The following DMRT1 variants were observed in gnomAD, a reference collection of about 807,000 sequenced individuals.
DMRT1 encodes the protein doublesex- and mab-3-related transcription factor 1.
A neutral mutation model predicts 32.3 loss-of-function variants in DMRT1; 7 were observed. The observed-to-expected ratio is 0.22, with a 90% CI of 0.12 to 0.41. DMRT1 has a LOEUF of 0.41. DMRT1 is among the 10% of genes least tolerant of loss of function. The pLI is 1.00. For missense variants in DMRT1, 625 were observed against 500.5 expected (o/e 1.25, Z -2.37); for synonymous variants, 278 against 206.1 (o/e 1.35, Z -2.99).
intron 4 of DMRT1, among the ~76,000 whole-genome samples, chr9:933,794 G>T (rs1812598737): frequency 1.3e-5 from 2 of 152,142 alleles, no homozygotes; most frequent in Non-Finnish European, 2.9e-5. Context: ...GTTGTATTCG[G>T]CAACTTTTTG....
At chr9:910,376 T>C (rs1226122161) in intron 3 of DMRT1, among the ~76,000 whole-genome samples, 1 of 152,088 alleles carries the variant, frequency 6.6e-6, no homozygotes, top group South Asian at 2.1e-4. Context: ...TATGCAGCCA[T>C]GCGATGTTTA....
chr9:939,281 C>T (rs1246574204), intron 4 of DMRT1, among the ~76,000 whole-genome samples: 2 of 152,230 alleles, frequency 1.3e-5, no homozygotes, highest in African/African-American at 4.8e-5. Context: ...CTCCTTTTAA[C>T]TGTCTGCTTA....
intron 4 of DMRT1, among the ~76,000 whole-genome samples, chr9:944,858 C>G (rs367729326): frequency 4.6e-5 from 7 of 151,796 alleles, no homozygotes; most frequent in African/African-American, 1.7e-4. Flanking sequence ...TATTTTAGTT[C>G]TGTTAGTTAC....
At chr9:891,508 G>C (rs73374747) in intron 2 of DMRT1, among the ~76,000 whole-genome samples, 10,395 of 147,712 alleles carry the variant, frequency 0.07, 682 homozygotes, top group African/African-American at 0.18. Flanking sequence ...CTCCCTGGAG[G>C]TTTTACTTTT....
chr9:864,923 T>C (rs898053297), intron 2 of DMRT1, among the ~76,000 whole-genome samples: 3 of 152,208 alleles, frequency 2.0e-5, no homozygotes, highest in African/African-American at 7.2e-5. Flanking sequence ...ACAGTTCCAT[T>C]CATTATATAA....
chr9:939,702 C>CG (rs1386770113), intron 4 of DMRT1, among the ~76,000 whole-genome samples: 1 of 152,094 alleles, frequency 6.6e-6, no homozygotes, highest in Non-Finnish European at 1.5e-5. Context: ...TACAAGCTCA[C>CG]GGGGGGAAAA....
At chr9:934,898 G>A (rs1564261829) in intron 4 of DMRT1, among the ~76,000 whole-genome samples, 1 of 152,008 alleles carries the variant, frequency 6.6e-6, no homozygotes, top group East Asian at 1.9e-4. Flanking sequence ...CTATAAAATC[G>A]GCAGTTGTTG....
intron 4 of DMRT1, among the ~76,000 whole-genome samples, chr9:918,889 G>A (rs1306206491): frequency 6.6e-6 from 1 of 152,110 alleles, no homozygotes; most frequent in Non-Finnish European, 1.5e-5. Context: ...CAAAGCAAGT[G>A]GGAAGGTAAA....
At chr9:863,852 T>C (rs1815838106) in intron 2 of DMRT1, among the ~76,000 whole-genome samples, 1 of 152,216 alleles carries the variant, frequency 6.6e-6, no homozygotes, top group Non-Finnish European at 1.5e-5. Flanking sequence ...TATTTTATTC[T>C]CTGAACCATC....
At chr9:893,853 A>G in intron 2 of DMRT1, 59 bp from the exon 3 acceptor site, 1 of 1,541,728 alleles carries the variant, frequency 6.5e-7, no homozygotes, top group African/African-American at 1.4e-5. Flanking sequence ...GTTTAGAAGT[A>G]AAGTTTCGTG....
chr9:845,770 AC>A (rs55896455), intron 1 of DMRT1, among the ~76,000 whole-genome samples: 68,587 of 151,860 alleles, frequency 0.45, 16,363 homozygotes, highest in Non-Finnish European at 0.54. Flanking sequence ...TCCTAAGCAG[AC>A]CCTGCCTGCC....
intron 3 of DMRT1, among the ~76,000 whole-genome samples, chr9:912,488 C>A (rs1210000554): frequency 6.6e-6 from 1 of 152,064 alleles, no homozygotes; most frequent in East Asian, 1.9e-4. Context: ...CCTAATAGTT[C>A]TTTTTATTTC....
At chr9:861,518 C>T (rs949187445) in intron 2 of DMRT1, among the ~76,000 whole-genome samples, 1 of 152,238 alleles carries the variant, frequency 6.6e-6, no homozygotes, top group South Asian at 2.1e-4. Context: ...ACATTTCCCC[C>T]TTTTCTATTC....
chr9:877,036 C>CTCAGAAGAGG (rs1564216588), intron 2 of DMRT1, among the ~76,000 whole-genome samples: 9 of 152,232 alleles, frequency 5.9e-5, no homozygotes, highest in Middle Eastern at 3.4e-3. Flanking sequence ...CTCAGACTTG[C>CTCAGAAGAGG]CACTTGAACC....
chr9:894,687 T>C (rs907591514), intron 3 of DMRT1: 1 of 214,022 alleles, frequency 4.7e-6, no homozygotes. Flanking sequence ...TCATAATCTG[T>C]ATGGAAGAAA....
At chr9:902,957 G>C (rs993344485) in intron 3 of DMRT1, among the ~76,000 whole-genome samples, 2 of 152,116 alleles carry the variant, frequency 1.3e-5, no homozygotes, top group Non-Finnish European at 2.9e-5. Context: ...TTCTGTTTAA[G>C]GAAATGCAAC....
At chr9:850,994 A>C (rs1381382232) in intron 2 of DMRT1, among the ~76,000 whole-genome samples, 1 of 141,840 alleles carries the variant, frequency 7.1e-6, no homozygotes, top group African/African-American at 2.6e-5. Flanking sequence ...GTGCCATTGC[A>C]CTCCGGCCTG....
chr9:871,070 C>T (rs969853936), intron 2 of DMRT1, among the ~76,000 whole-genome samples: 2 of 151,992 alleles, frequency 1.3e-5, no homozygotes, highest in Admixed American at 1.3e-4. Context: ...AGGTCTGGCT[C>T]TGTTGCCCAG....
intron 4 of DMRT1, among the ~76,000 whole-genome samples, chr9:964,088 T>C (rs988559650): frequency 9.9e-5 from 15 of 152,238 alleles, no homozygotes; most frequent in African/African-American, 3.1e-4. Context: ...TTTTCTCACA[T>C]CACTGGAAGA....
Sources: gnomAD v4.1 joint callset for allele counts (sites outside exome capture counted in the v4.1 genomes callset) on GRCh38, gnomAD v4.1.1 for gene constraint, MANE v1.5 for transcripts, NCBI Gene and HGNC (gene_info 2026-07-23, HGNC 2026-07-21) for gene names.